ACKR4: variants seen among roughly 807,000 people sequenced by gnomAD.
The protein encoded by ACKR4 is C-C CKR-11.
In ACKR4, 2 loss-of-function variants were observed where a neutral mutation model predicts 8.5. The observed-to-expected ratio is 0.23, with a 90% CI of 0.10 to 0.74. The LOEUF is 0.74. ACKR4 is among the 30% of genes least tolerant of loss of function. The pLI, the probability that ACKR4 is intolerant of heterozygous loss-of-function variation, is 0.75. For missense variants in ACKR4, 167 were observed against 422.1 expected, an observed-to-expected ratio of 0.40 and a Z score of 5.30; for synonymous variants, 67 against 145.0, an observed-to-expected ratio of 0.46 and a Z score of 3.86.
In ACKR4 at chr3:132,602,280, G is replaced by A. The variant is rs1262736283; in HGVS notation, c.*830G>A. 6.0e-6 allele frequency: 1 copy of A among 166,440 alleles called. No homozygotes were observed. Among genetic ancestry groups the A allele is most frequent in the African/African-American group, 2.4e-5 (1 of 41,290 alleles). The allele number at this position is 166,440 out of a possible 1,614,324, so 10.3% of individuals were successfully genotyped here. On this transcript the variant is annotated 3_prime_UTR_variant, in exon 2 of 2. Transcript: ENST00000249887. ...TAAAGACATAATTTGCTTCTATGAT[G>A]TCAACTTTCTTACTAATAACTGGTT... is the stretch of plus-strand genomic sequence containing the variant.
At chr3:132,597,353 ACTTGAATATTTTTTTAAGCCCAAAGAT>A (rs1212733596) in intron 1 of ACKR4, 30 bp downstream of exon 1, 2 of 151,610 alleles carry the variant, frequency 1.3e-5, no homozygotes, top group Non-Finnish European at 2.9e-5. Flanking sequence ...TCTTATTCTG[ACTTGAATATTTTTTTAAGCCCAAAGAT>A]CTTGTATATT....
At chr3:132,599,997 A>C (rs902823449) in intron 1 of ACKR4, among the ~76,000 whole-genome samples, 9 of 152,268 alleles carry the variant, frequency 5.9e-5, no homozygotes, top group Middle Eastern at 3.4e-3. Flanking sequence ...CGATTCACAA[A>C]ATTATGTATG....
At position 132,601,826 on chromosome 3, in the gene ACKR4, T is replaced by A; in HGVS notation, c.*376T>A. The A allele has an allele frequency of 3.0e-6, 1 of 328,890 alleles. No individual in the cohort carries two copies. Among genetic ancestry groups the A allele is most frequent in the Non-Finnish European group, 6.1e-6 (1 of 162,968 alleles). 20.4% of individuals were successfully genotyped at this position (328,890 alleles called of 1,614,324 possible). A position where few individuals can be genotyped will look rare whatever the true frequency, so the allele number is the denominator to read the frequency against. ...ACACATTGTACCAATTTCAATTTCC[T>A]GGTTTTGACATTATAGTATAATTAT... On this transcript the variant is annotated 3_prime_UTR_variant, in exon 2 of 2. Transcript: ENST00000249887.
chr3:132,600,426 A>T lies in ACKR4; in HGVS notation c.29A>T (p.Asp10Val), dbSNP rs750127744. 2 of 1,604,688 alleles carry T rather than the reference A, an allele frequency of 1.2e-6. No homozygotes were observed. Among genetic ancestry groups the T allele is most frequent in the Admixed American group, 3.4e-5 (2 of 59,114 alleles). Reference sequence around the variant, plus strand: ...GCTTTGGAACAGAACCAGTCAACAGATTATTATTATGAGGAAAATGAAATG... The same window carrying T: ...GCTTTGGAACAGAACCAGTCAACAGTTTATTATTATGAGGAAAATGAAATG... Reference protein sequence around the residue: MALEQNQSTDYYYEENEMNG... With the variant: MALEQNQSTVYYYEENEMNG... Residue 10 changes from aspartate (D) to valine (V), a missense_variant, in exon 2 of 2, where the codon GAT becomes GTT. Physicochemically the swap from Asp to Val is radical, Grantham distance 152. Around this residue, in one of 2 missense-constraint regions of ACKR4, gnomAD observed 149 missense variants for 281.9 expected, o/e 0.53. Transcript: ENST00000249887.
Position 132,600,893 on chromosome 3 carries a change from A to G in ACKR4, c.496A>G (p.Ile166Val), listed in dbSNP as rs781109850. ...CTGTTTCTGTGTCTGGATGGCTGCC[A>G]TCTTGCTGAGCATACCCCAGCTGGT... ...IICFCVWMAA[I>V]LLSIPQLVFY... is the part of the protein sequence containing the mutation. Residue 166 changes from isoleucine to valine, a missense_variant, in exon 2 of 2, where the codon ATC becomes GTC. Ile to Val is a conservative substitution (Grantham distance 29, BLOSUM62 3). Transcript: ENST00000249887. The G allele has an allele frequency of 4.5e-5, 72 of 1,613,264 alleles. No homozygotes were observed. The highest frequency in any genetic ancestry group is 1.2e-4 in the Admixed American group (7 of 59,934).
At position 132,602,553 on chromosome 3, in the gene ACKR4, C is replaced by CT. The variant is rs1938658092; in HGVS notation, c.*1109dup. 6.6e-6 allele frequency among the ~76,000 whole-genome samples: 1 copy of CT among 152,032 alleles called. No individual in the cohort carries two copies. The stretch of plus-strand genomic sequence containing the variant: ...TTGTTAATTAACATGTACAGCTTAT[C>CT]TTTTTTAAAAAAATTTGCTGTAAAT... On this transcript the variant is annotated 3_prime_UTR_variant, in exon 2 of 2. Transcript: ENST00000249887.
intron 1 of ACKR4, among the ~76,000 whole-genome samples, chr3:132,598,835 C>T (rs1051430496): frequency 2.3e-4 from 35 of 152,244 alleles, no homozygotes; most frequent in African/African-American, 8.2e-4. Flanking sequence ...TGAAGGGAGC[C>T]TTGGGTGTTA....
chr3:132,598,622 C>T (rs924089552), intron 1 of ACKR4, among the ~76,000 whole-genome samples: 6 of 152,060 alleles, frequency 3.9e-5, no homozygotes, highest in African/African-American at 1.2e-4. Context: ...AGGTCGCATC[C>T]GCGTTTATTG....
intron 1 of ACKR4, among the ~76,000 whole-genome samples, chr3:132,599,662 G>C (rs1019939405): frequency 5.3e-5 from 8 of 152,150 alleles, no homozygotes; most frequent in Admixed American, 2.0e-4. Context: ...CAGAACTTGG[G>C]AACTGATTGG....
At chr3:132,598,518 A>G (rs1938415153) in intron 1 of ACKR4, among the ~76,000 whole-genome samples, 1 of 152,232 alleles carries the variant, frequency 6.6e-6, no homozygotes, top group Non-Finnish European at 1.5e-5. Context: ...CTAGAGGAAC[A>G]AGGTAGTATG....
In ACKR4 at chr3:132,601,049, G is replaced by T. The variant is rs760047133; in HGVS notation, c.652G>T (p.Val218Leu). Residue 218 changes from valine to leucine, a missense_variant, in exon 2 of 2, where the codon GTG becomes TTG. Physicochemically the swap from Val to Leu is conservative, Grantham distance 32. Coordinates refer to ENST00000249887, the MANE Select transcript of ACKR4 (RefSeq NM_016557.4). ...GFVVPFLIMG[V>L]CYFITARTLM... ...TGTAGTACCCTTTCTTATTATGGGG[G>T]TGTGCTACTTTATCACAGCAAGGAC... The T allele has an allele frequency of 1.9e-6, 3 of 1,613,964 alleles. No homozygotes were observed. The highest frequency in any genetic ancestry group is 2.2e-5 in the East Asian group (1 of 44,886).
Position 132,601,037 on chromosome 3 carries a change from C to T in ACKR4, c.640C>T (p.Leu214Phe), listed in dbSNP as rs1938566045. The change falls in exon 2 of 2, where the codon CTT becomes TTT. Residue 214 changes from leucine to phenylalanine, a missense_variant. Leu to Phe is a conservative substitution (Grantham distance 22, BLOSUM62 0). Coordinates refer to ENST00000249887, the MANE Select transcript of ACKR4 (RefSeq NM_016557.4). Reference protein sequence around the residue: ...EICIGFVVPFLIMGVCYFITA... With the variant: ...EICIGFVVPFFIMGVCYFITA... Reference sequence around the variant, plus strand: ...CTGCATTGGATTTGTAGTACCCTTTCTTATTATGGGGGTGTGCTACTTTAT... The same window carrying T: ...CTGCATTGGATTTGTAGTACCCTTTTTTATTATGGGGGTGTGCTACTTTAT... 6.2e-7 allele frequency: 1 copy of T among 1,613,898 alleles called. No homozygotes were observed. The highest frequency in any genetic ancestry group is 1.3e-5 in the African/African-American group (1 of 75,022).
rs1938648891 is a variant in ACKR4 at position 132,602,409 on chromosome 3, T to C, written c.*959T>C. 6.6e-6 allele frequency among the ~76,000 whole-genome samples: 1 copy of C among 152,184 alleles called. No homozygotes were observed. Among genetic ancestry groups the C allele is most frequent in the Non-Finnish European group, 1.5e-5 (1 of 68,022 alleles). Reference sequence around the variant, plus strand: ...CTTAACTTCCTAAAGAATTCATCTGTTTATACAAGTCTACCACTGCCGATT... The same window carrying C: ...CTTAACTTCCTAAAGAATTCATCTGCTTATACAAGTCTACCACTGCCGATT... On this transcript the variant is annotated 3_prime_UTR_variant, in exon 2 of 2. Transcript: ENST00000249887.
At position 132,602,256 on chromosome 3, in the gene ACKR4, A is replaced by G. The variant is rs1362881656; in HGVS notation, c.*806A>G. The G allele has an allele frequency of 1.2e-5, 2 of 166,922 alleles. No individual in the cohort carries two copies. Among genetic ancestry groups the G allele is most frequent in the African/African-American group, 4.8e-5 (2 of 41,424 alleles). The allele number at this position is 166,922 out of a possible 1,614,324, so 10.3% of individuals were successfully genotyped here. A position where few individuals can be genotyped will look rare whatever the true frequency, so the allele number is the denominator to read the frequency against. Reference sequence around the variant, plus strand: ...TTCAAAACATTCCTGGTAAGTTCCTAAAGACATAATTTGCTTCTATGATGT... The same window carrying G: ...TTCAAAACATTCCTGGTAAGTTCCTGAAGACATAATTTGCTTCTATGATGT... On this transcript the variant is annotated 3_prime_UTR_variant, in exon 2 of 2. Coordinates refer to ENST00000249887, the MANE Select transcript of ACKR4 (RefSeq NM_016557.4).
At chr3:132,597,623 T>C (rs771943814) in intron 1 of ACKR4, among the ~76,000 whole-genome samples, 2 of 152,136 alleles carry the variant, frequency 1.3e-5, no homozygotes, top group Non-Finnish European at 2.9e-5. Context: ...CTGATTTTTT[T>C]TTTATTCTCA....
chr3:132,599,479 C>A (rs1198764425), intron 1 of ACKR4, among the ~76,000 whole-genome samples: 1 of 151,324 alleles, frequency 6.6e-6, no homozygotes, highest in Non-Finnish European at 1.5e-5. Context: ...GCATTCCAGC[C>A]TGGGCAACAG....
rs952501001 is a variant in ACKR4 at position 132,602,395 on chromosome 3, A to G, written c.*945A>G. 5.3e-5 allele frequency among the ~76,000 whole-genome samples: 8 copies of G among 152,148 alleles called. No individual in the cohort carries two copies. Among genetic ancestry groups the G allele is most frequent in the Non-Finnish European group, 1.0e-4 (7 of 68,016 alleles). On this transcript the variant is annotated 3_prime_UTR_variant, in exon 2 of 2. Transcript: ENST00000249887. ...CTGGGTTCCAATTTCTTAACTTCCTAAAGAATTCATCTGTTTATACAAGTC... is the reference window on the plus strand; with the variant it reads ...CTGGGTTCCAATTTCTTAACTTCCTGAAGAATTCATCTGTTTATACAAGTC...
intron 1 of ACKR4, among the ~76,000 whole-genome samples, chr3:132,598,623 G>T (rs149742854): frequency 6.6e-6 from 1 of 152,316 alleles, no homozygotes; most frequent in East Asian, 1.9e-4. Context: ...GGTCGCATCC[G>T]CGTTTATTGA....
At position 132,601,950 on chromosome 3, in the gene ACKR4, A is replaced by G. The variant is rs1938623092; in HGVS notation, c.*500A>G. 1 of 159,168 alleles carries G rather than the reference A, an allele frequency of 6.3e-6. No individual in the cohort carries two copies. The highest frequency in any genetic ancestry group is 1.4e-5 in the Non-Finnish European group (1 of 70,664). 9.9% of individuals were successfully genotyped at this position (159,168 alleles called of 1,614,324 possible). ...GTGAATTTATAATAATTTCAAAATA[A>G]AACAAGTTAAAAAAAAACCCACTAT... On this transcript the variant is annotated 3_prime_UTR_variant, in exon 2 of 2. Coordinates refer to ENST00000249887, the MANE Select transcript of ACKR4 (RefSeq NM_016557.4).
Sources: gnomAD v4.1 joint callset for allele counts (sites outside exome capture counted in the v4.1 genomes callset) on GRCh38, gnomAD v4.1.1 for gene constraint, gnomAD v4.1.1 regional missense constraint, MANE v1.5 for transcripts, NCBI Gene and HGNC (gene_info 2026-07-23, HGNC 2026-07-21) for gene names.